The following KCNK2 variants were observed in gnomAD, a reference collection of about 807,000 sequenced individuals.
KCNK2 encodes potassium two pore domain channel subfamily K member 2.
In KCNK2, 21 loss-of-function variants were observed where a neutral mutation model predicts 40.5. That is an observed-to-expected ratio of 0.52 (90% CI 0.37 to 0.75). The LOEUF is 0.75. Among genes scored for constraint, KCNK2 ranks in the 30% least tolerant of loss-of-function variants. The pLI is 0.00. For synonymous variants in KCNK2, 191 were observed against 202.2 expected, an observed-to-expected ratio of 0.94 and a Z score of 0.47; for missense variants, 399 against 531.6, an observed-to-expected ratio of 0.75 and a Z score of 2.45.
At chr1:215,083,603 C>T (rs1213911754) in intron 1 of KCNK2, 172 bp downstream of exon 1, 3 of 615,648 alleles carry the variant, frequency 4.9e-6, no homozygotes, top group Non-Finnish European at 8.7e-6. Flanking sequence ...CTTGCCAGAT[C>T]CTCTCCACGC....
At chr1:215,114,589 A>C (rs1014249948) in intron 2 of KCNK2, among the ~76,000 whole-genome samples, 1 of 152,120 alleles carries the variant, frequency 6.6e-6, no homozygotes, top group African/African-American at 2.4e-5. Flanking sequence ...AAAGCTAAGA[A>C]GCTAAGACAG....
At chr1:215,222,761 G>A (rs1666231996) in intron 6 of KCNK2, among the ~76,000 whole-genome samples, 1 of 150,416 alleles carries the variant, frequency 6.6e-6, no homozygotes, top group Non-Finnish European at 1.5e-5. Context: ...AACCTGGTTG[G>A]TAAAGAGAAT....
chr1:215,083,232 C>T lies in KCNK2; in HGVS notation c.-154C>T. 6.3e-7 allele frequency: 1 copy of T among 1,586,192 alleles called. No homozygotes were observed. Among genetic ancestry groups the T allele is most frequent in the Non-Finnish European group, 8.6e-7 (1 of 1,160,706 alleles). On this transcript the variant is annotated 5_prime_UTR_variant, in exon 1 of 7. Coordinates refer to ENST00000444842, the MANE Select transcript of KCNK2 (RefSeq NM_001017425.3). The stretch of plus-strand genomic sequence containing the variant: ...CCCTCCCGCGTCCAGCCCCGCTCTC[C>T]CCACCTTGTAAAACAAAGCCGGGGA...
chr1:215,157,158 C>G (rs61400564), intron 3 of KCNK2, among the ~76,000 whole-genome samples: 2,084 of 152,284 alleles, frequency 0.014, 40 homozygotes, highest in African/African-American at 0.045. Context: ...AAAACCATAT[C>G]ATCTATTAAA....
At chr1:215,162,384 G>C (rs1312694275) in intron 3 of KCNK2, among the ~76,000 whole-genome samples, 4 of 152,138 alleles carry the variant, frequency 2.6e-5, no homozygotes, top group Non-Finnish European at 4.4e-5. Flanking sequence ...TGTTCACTCT[G>C]ATGGTAGTTT....
chr1:215,016,012 G>T (rs1656573278), intron 1 of KCNK2, among the ~76,000 whole-genome samples: 1 of 152,022 alleles, frequency 6.6e-6, no homozygotes, highest in African/African-American at 2.4e-5. Flanking sequence ...TCCAGGTCAG[G>T]CCCCCACGAT....
chr1:215,125,739 AATATATATATATATATATATATAT>A (rs66622204), intron 3 of KCNK2, among the ~76,000 whole-genome samples: 2 of 124,328 alleles, frequency 1.6e-5, no homozygotes, highest in African/African-American at 3.0e-5. Context: ...AAGTATAATA[AATATATATATATATATATATATAT>A]ATATATATAT....
intron 2 of KCNK2, among the ~76,000 whole-genome samples, chr1:215,116,917 C>T (rs1268294885): frequency 6.6e-6 from 1 of 151,728 alleles, no homozygotes; most frequent in Non-Finnish European, 1.5e-5. Context: ...GATTTAAACA[C>T]CTATGTTTTG....
At chr1:215,122,542 ATCAT>A (rs1314203824) in intron 2 of KCNK2, among the ~76,000 whole-genome samples, 2 of 152,086 alleles carry the variant, frequency 1.3e-5, no homozygotes, top group African/African-American at 4.8e-5. Flanking sequence ...AGATAAAGGA[ATCAT>A]TCATGTTCAG....
intron 3 of KCNK2, among the ~76,000 whole-genome samples, chr1:215,130,303 GGGAAGCTGT>G (rs569867044): frequency 8.5e-5 from 13 of 152,084 alleles, no homozygotes; most frequent in Non-Finnish European, 1.9e-4. Flanking sequence ...AGTATGGTGG[GGGAAGCTGT>G]GGAACATAGA....
At chr1:215,043,897 C>T (rs1014318121) in intron 1 of KCNK2, among the ~76,000 whole-genome samples, 3 of 151,832 alleles carry the variant, frequency 2.0e-5, no homozygotes, top group Admixed American at 6.6e-5. Flanking sequence ...GCAGCATTAA[C>T]GACAAATGCA....
At chr1:215,015,420 C>A (rs1430379910) in intron 1 of KCNK2, among the ~76,000 whole-genome samples, 2 of 152,086 alleles carry the variant, frequency 1.3e-5, no homozygotes, top group South Asian at 2.1e-4. Context: ...TTCTTGTCAA[C>A]TTTTTAGCTC....
At chr1:215,180,644 A>C (rs1349362963) in intron 5 of KCNK2, among the ~76,000 whole-genome samples, 1 of 152,088 alleles carries the variant, frequency 6.6e-6, no homozygotes, top group Non-Finnish European at 1.5e-5. Context: ...ATATAAAATT[A>C]CTGGTTGAAA....
intron 2 of KCNK2, among the ~76,000 whole-genome samples, chr1:215,099,504 A>C (rs2102548569): frequency 6.6e-6 from 1 of 152,124 alleles, no homozygotes. Flanking sequence ...CTGCTAAGTT[A>C]AAAAGTTTGT....
chr1:215,151,085 A>G (rs553273772), intron 3 of KCNK2, among the ~76,000 whole-genome samples: 21 of 152,270 alleles, frequency 1.4e-4, no homozygotes, highest in Non-Finnish European at 2.9e-4. Flanking sequence ...TGTCTTCTTG[A>G]TCTATAAATG....
chr1:215,212,878 C>CT (rs1255221537), intron 6 of KCNK2, among the ~76,000 whole-genome samples: 1 of 152,180 alleles, frequency 6.6e-6, no homozygotes, highest in African/African-American at 2.4e-5. Flanking sequence ...TTAGTTCTAC[C>CT]TCTCTCTCCC....
At chr1:215,223,891 C>A (rs1209519088) in intron 6 of KCNK2, among the ~76,000 whole-genome samples, 1 of 151,696 alleles carries the variant, frequency 6.6e-6, no homozygotes, top group Non-Finnish European at 1.5e-5. Context: ...AAAAAAAAAA[C>A]TGAAGCAGAG....
chr1:215,084,221 C>T (rs4641287), intron 1 of KCNK2, among the ~76,000 whole-genome samples: 59,072 of 145,652 alleles, frequency 0.41, 13,916 homozygotes, highest in Non-Finnish European at 0.51. Context: ...CACACACACT[C>T]TTAAAAATAC....
chr1:215,207,714 C>A (rs1228524081), intron 6 of KCNK2, among the ~76,000 whole-genome samples: 1 of 152,170 alleles, frequency 6.6e-6, no homozygotes, highest in African/African-American at 2.4e-5. Flanking sequence ...ATTTTGGATT[C>A]CTAAAATGTC....
Sources: allele counts gnomAD v4.1 joint callset (sites outside exome capture counted in the v4.1 genomes callset), GRCh38; gene constraint gnomAD v4.1.1; transcripts MANE v1.5; gene names NCBI Gene and HGNC (gene_info 2026-07-23, HGNC 2026-07-21).